RAB27A: variants seen among roughly 807,000 people sequenced by gnomAD.
RAB27A encodes RAB27A, member RAS oncogene family.
RAB27A carries 17 observed loss-of-function variants against 20.8 expected under a neutral mutation model. That is an observed-to-expected ratio of 0.82 (90% CI 0.56 to 1.23). The LOEUF is 1.23. RAB27A is among the 50% of genes most tolerant of loss of function. The pLI is 0.00. For synonymous variants in RAB27A, 85 were observed against 92.8 expected, an observed-to-expected ratio of 0.92 and a Z score of 0.48; for missense variants, 277 against 266.7, an observed-to-expected ratio of 1.04 and a Z score of -0.27.
At chr15:55,224,886 T>A (rs755467409) in intron 5 of RAB27A, among the ~76,000 whole-genome samples, 4 of 152,232 alleles carry the variant, frequency 2.6e-5, no homozygotes, top group Non-Finnish European at 5.9e-5. Flanking sequence ...TTCCTCATTA[T>A]GAAGTAGTGT....
At chr15:55,208,496 T>C (rs1162930811) in intron 6 of RAB27A, among the ~76,000 whole-genome samples, 1 of 152,196 alleles carries the variant, frequency 6.6e-6, no homozygotes, top group Non-Finnish European at 1.5e-5. Context: ...ATCCTTCTGT[T>C]CTGCCATCCT....
chr15:55,258,065 T>A (rs1417713751), intron 2 of RAB27A, among the ~76,000 whole-genome samples: 63 of 86,786 alleles, frequency 7.3e-4, no homozygotes, highest in African/African-American at 2.6e-3. Context: ...AGACTCAGTC[T>A]CAAAAAAAAA....
chr15:55,317,621 T>C lies in RAB27A; in HGVS notation c.-234+1310A>G, dbSNP rs574531291. 3 of 397,732 alleles carry C rather than the reference T, an allele frequency of 7.5e-6. No individual in the cohort carries two copies. In the South Asian group the frequency reaches 3.8e-4, roughly 51 times the overall value. 24.6% of individuals were successfully genotyped at this position (397,732 alleles called of 1,614,324 possible). On this transcript the variant is annotated intron_variant, in intron 1 of 5. Coordinates refer to the RAB27A transcript ENST00000563262. ...AGCCACTGCGCCAGGCCTAACTCCA[T>C]GTAGTATTAACTTTTCTTCTCTTCT...
At chr15:55,283,656 T>C (rs1205350245) in intron 1 of RAB27A, among the ~76,000 whole-genome samples, 1 of 152,212 alleles carries the variant, frequency 6.6e-6, no homozygotes, top group Non-Finnish European at 1.5e-5. Context: ...TGCGATTTAT[T>C]ATGAAAATCA....
intron 1 of RAB27A, chr15:55,289,202 G>C (rs1249466582): frequency 6.6e-6 from 1 of 152,280 alleles, no homozygotes; most frequent in Non-Finnish European, 1.5e-5. Context: ...CATCATATCT[G>C]CACCACCACC....
At chr15:55,210,052 A>G (rs1840235155) in intron 6 of RAB27A, among the ~76,000 whole-genome samples, 2 of 142,086 alleles carry the variant, frequency 1.4e-5, no homozygotes, top group Non-Finnish European at 3.1e-5. Context: ...ATGTACATAT[A>G]TACACATATG....
intron 1 of RAB27A, among the ~76,000 whole-genome samples, chr15:55,271,314 T>C (rs1004374437): frequency 6.6e-6 from 1 of 152,350 alleles, no homozygotes; most frequent in South Asian, 2.1e-4. Flanking sequence ...TAAGTGGTTC[T>C]CAAACTGTGG....
intron 6 of RAB27A, among the ~76,000 whole-genome samples, chr15:55,222,626 C>T (rs2140954114): frequency 6.6e-6 from 1 of 152,296 alleles, no homozygotes; most frequent in Admixed American, 6.5e-5. Context: ...CCTCCCCCTC[C>T]CTTCCCACTA....
chr15:55,297,673 G>C (rs1344620417), intron 2 of RAB27A, among the ~76,000 whole-genome samples: 1 of 152,158 alleles, frequency 6.6e-6, no homozygotes, highest in Non-Finnish European at 1.5e-5. Context: ...AGAGGAAATT[G>C]GCTTCCTTGT....
intron 1 of RAB27A, among the ~76,000 whole-genome samples, chr15:55,285,551 T>C (rs941342511): frequency 6.6e-6 from 1 of 152,192 alleles, no homozygotes; most frequent in Admixed American, 6.5e-5. Context: ...GGCTCATGTC[T>C]GCACCTAGCT....
chr15:55,317,672 C>A, intron 1 of RAB27A: 1 of 398,626 alleles, frequency 2.5e-6, no homozygotes. Flanking sequence ...TGCATCTTTT[C>A]TTTTAATTCC....
chr15:55,216,620 G>T (rs1031162078), intron 6 of RAB27A, among the ~76,000 whole-genome samples: 3 of 151,940 alleles, frequency 2.0e-5, no homozygotes, highest in Non-Finnish European at 2.9e-5. Context: ...CAATCTGTGT[G>T]TTGTGTGAAA....
intron 2 of RAB27A, among the ~76,000 whole-genome samples, chr15:55,253,331 C>T (rs1019078262): frequency 1.3e-5 from 2 of 151,450 alleles, no homozygotes; most frequent in Non-Finnish European, 2.9e-5. Flanking sequence ...CCTATAATTC[C>T]AGCTACCCCA....
At chr15:55,284,686 C>T (rs1211985415) in intron 1 of RAB27A, among the ~76,000 whole-genome samples, 1 of 152,154 alleles carries the variant, frequency 6.6e-6, no homozygotes, top group African/African-American at 2.4e-5. Context: ...TAAAGGTCAA[C>T]ATGAAAACAT....
chr15:55,290,645 G>A (rs928704514), upstream of RAB27A, among the ~76,000 whole-genome samples: 6 of 152,206 alleles, frequency 3.9e-5, no homozygotes, highest in African/African-American at 1.4e-4. Flanking sequence ...TCTTCTCCCA[G>A]CGCCAACGGT....
chr15:55,208,055 C>T (rs191170975), intron 6 of RAB27A, among the ~76,000 whole-genome samples: 3 of 152,222 alleles, frequency 2.0e-5, no homozygotes, highest in Admixed American at 1.3e-4. Flanking sequence ...CATATGTGCA[C>T]GTGGCATCGT....
chr15:55,287,077 G>A (rs1395505819), intron 1 of RAB27A, among the ~76,000 whole-genome samples: 1 of 151,536 alleles, frequency 6.6e-6, no homozygotes, highest in African/African-American at 2.4e-5. Flanking sequence ...CCACCACCAC[G>A]CCCCGCTAAT....
chr15:55,217,661 C>A (rs1895370541), intron 6 of RAB27A, among the ~76,000 whole-genome samples: 1 of 39,590 alleles, frequency 2.5e-5, no homozygotes, highest in African/African-American at 2.0e-4. Flanking sequence ...TACACTCCAT[C>A]TCAAAAAAAA....
chr15:55,300,071 C>T (rs866200790), intron 2 of RAB27A, among the ~76,000 whole-genome samples: 5 of 152,038 alleles, frequency 3.3e-5, no homozygotes, highest in Admixed American at 1.3e-4. Flanking sequence ...CCGCCCGCCT[C>T]GGCCTCCCAA....
Sources: gnomAD v4.1 joint callset for allele counts (sites outside exome capture counted in the v4.1 genomes callset) on GRCh38, gnomAD v4.1.1 for gene constraint, MANE v1.5 for transcripts, NCBI Gene and HGNC (gene_info 2026-07-23, HGNC 2026-07-21) for gene names.